PTPRN2: variants seen among roughly 807,000 people sequenced by gnomAD.
PTPRN2 encodes the protein protein tyrosine phosphatase receptor type N2.
In PTPRN2, 74 loss-of-function variants were observed where a neutral mutation model predicts 118.8. That is an observed-to-expected ratio of 0.62 (90% CI 0.52 to 0.76). PTPRN2 has a LOEUF of 0.76. Ranked by LOEUF, PTPRN2 falls within the 30% of genes least tolerant of loss-of-function variation. The pLI, the probability that PTPRN2 is intolerant of heterozygous loss-of-function variation, is 0.00. For missense variants in PTPRN2, 1,481 were observed against 1,394.4 expected (o/e 1.06, Z -0.99); for synonymous variants, 641 against 608.0 (o/e 1.05, Z -0.80).
intron 1 of PTPRN2, among the ~76,000 whole-genome samples, chr7:158,577,790 C>T (rs73512225): frequency 8.1e-4 from 123 of 152,346 alleles, no homozygotes; most frequent in African/African-American, 2.9e-3. Context: ...CCATCCAGGG[C>T]CCACAGGTCT....
At chr7:157,641,989 C>T (rs1475120830) in intron 14 of PTPRN2, among the ~76,000 whole-genome samples, 1 of 152,062 alleles carries the variant, frequency 6.6e-6, no homozygotes, top group Non-Finnish European at 1.5e-5. Context: ...TGTGCTGTTC[C>T]CTCCTCTGCA....
intron 9 of PTPRN2, among the ~76,000 whole-genome samples, chr7:158,113,620 C>T (rs1205804878): frequency 1.3e-5 from 2 of 152,098 alleles, no homozygotes; most frequent in Non-Finnish European, 2.9e-5. Flanking sequence ...AGGCGCATGC[C>T]GTGACTAGTC....
At position 158,089,849 on chromosome 7, in the gene PTPRN2, A is replaced by G. The variant is rs370441998; in HGVS notation, c.1644-8472T>C. ...CACATCCTTCCTCCCCTGATGAAAGAGGGAGTCTTCACACAAACCCTTCCT... is the reference window on the plus strand; with the variant it reads ...CACATCCTTCCTCCCCTGATGAAAGGGGGAGTCTTCACACAAACCCTTCCT... On this transcript the variant is annotated intron_variant, in intron 10 of 22. Coordinates refer to ENST00000389418, the MANE Select transcript of PTPRN2 (RefSeq NM_002847.5). 2.6e-4 allele frequency among the ~76,000 whole-genome samples: 29 copies of G among 111,356 alleles called. 1 individual carries two copies. The highest frequency in any genetic ancestry group is 6.8e-4 in the African/African-American group (22 of 32,574). 73.1% of individuals were successfully genotyped at this position (111,356 alleles called of 152,430 possible). A position where few individuals can be genotyped will look rare whatever the true frequency, so the allele number is the denominator to read the frequency against.
chr7:157,768,547 TC>T, intron 12 of PTPRN2, among the ~76,000 whole-genome samples: 1 of 152,132 alleles, frequency 6.6e-6, no homozygotes, highest in East Asian at 1.9e-4. Context: ...GACGTGAGGC[TC>T]CCCAGCTCCT....
intron 12 of PTPRN2, among the ~76,000 whole-genome samples, chr7:157,741,299 G>A (rs1052831498): frequency 1.3e-5 from 2 of 152,214 alleles, no homozygotes; most frequent in East Asian, 1.9e-4. Flanking sequence ...TAAAATGAAA[G>A]GTGTGTCTTA....
intron 1 of PTPRN2, among the ~76,000 whole-genome samples, chr7:158,539,080 G>A (rs1437377964): frequency 6.6e-6 from 1 of 152,126 alleles, no homozygotes; most frequent in Non-Finnish European, 1.5e-5. Flanking sequence ...GAAAAGCCAT[G>A]CCCCCCGTGT....
chr7:158,526,684 C>G lies in PTPRN2; in HGVS notation c.113-36899G>C, dbSNP rs544880120. 6.6e-6 allele frequency among the ~76,000 whole-genome samples: 1 copy of G among 152,190 alleles called. No homozygotes were observed. Among genetic ancestry groups the G allele is most frequent in the East Asian group, 1.9e-4 (1 of 5,164 alleles). On this transcript the variant is annotated intron_variant, in intron 1 of 22. Transcript: ENST00000389418. The surrounding 1 kb of genome is among the most constrained non-coding windows in gnomAD (Gnocchi z 5.2). ...GTAAAACGAGGTCGCCGGATGGGCC[C>G]GGATCCAGGCTGACTGGGTCCTTAT...
At chr7:157,667,866 C>T (rs1796220902) in intron 13 of PTPRN2, among the ~76,000 whole-genome samples, 1 of 152,264 alleles carries the variant, frequency 6.6e-6, no homozygotes, top group South Asian at 2.1e-4. Flanking sequence ...CTGCCTCCAA[C>T]ACATCCAGAG....
intron 11 of PTPRN2, among the ~76,000 whole-genome samples, chr7:157,967,386 G>T (rs1683482548): frequency 6.6e-6 from 1 of 152,230 alleles, no homozygotes; most frequent in South Asian, 2.1e-4. Flanking sequence ...AAGTCAAGGT[G>T]TCGGCTGAGC....
chr7:158,333,155 G>C lies in PTPRN2; in HGVS notation c.164-16223C>G, dbSNP rs373181001. Among the ~76,000 whole-genome samples, 19 of 108,178 alleles carry C rather than the reference G, an allele frequency of 1.8e-4. No individual in the cohort carries two copies. In the South Asian group the frequency reaches 2.0e-3, roughly 11 times the overall value. The allele number at this position is 108,178 out of a possible 152,430, so 71.0% of individuals were successfully genotyped here. A position where few individuals can be genotyped will look rare whatever the true frequency, so the allele number is the denominator to read the frequency against. ...ACTCACACCCACAGTCTCACCATAA[G>C]AGGTGACACCTGCAGACGTCACTCA... On this transcript the variant is annotated intron_variant, in intron 2 of 22. Transcript: ENST00000389418.
In PTPRN2 at chr7:158,557,417, G is replaced by A. The variant is rs73510595; in HGVS notation, c.112+30141C>T. Among the ~76,000 whole-genome samples, 1,261 of 152,334 alleles carry A rather than the reference G, an allele frequency of 8.3e-3. 19 individuals carry two copies. Among genetic ancestry groups the A allele is most frequent in the African/African-American group, 0.028 (1,165 of 41,570 alleles). On this transcript the variant is annotated intron_variant, in intron 1 of 22. Coordinates refer to ENST00000389418, the MANE Select transcript of PTPRN2 (RefSeq NM_002847.5). ...CTCCCGCGCAGGTCAGGCAGCTCCC[G>A]TGCAGGTTAGACATCTTTTCTGCCA...
At chr7:157,872,086 G>A (rs1455970178) in intron 12 of PTPRN2, among the ~76,000 whole-genome samples, 1 of 25,082 alleles carries the variant, frequency 4.0e-5, no homozygotes. Context: ...CATACACAGC[G>A]CTTCTCCACA....
At chr7:158,558,201 G>A (rs899492246) in intron 1 of PTPRN2, among the ~76,000 whole-genome samples, 4 of 152,096 alleles carry the variant, frequency 2.6e-5, no homozygotes, top group African/African-American at 9.7e-5. Context: ...GCCCAGCCTG[G>A]TCTTGAACTC....
chr7:157,888,454 C>T (rs1368655173), intron 12 of PTPRN2, among the ~76,000 whole-genome samples: 4 of 152,174 alleles, frequency 2.6e-5, no homozygotes, highest in African/African-American at 7.2e-5. Context: ...GTGAGCTTCT[C>T]TTCCTCCTGG....
intron 2 of PTPRN2, among the ~76,000 whole-genome samples, chr7:158,342,126 A>G (rs59709285): frequency 0.014 from 2,030 of 143,126 alleles, 1 homozygote; most frequent in African/African-American, 0.052. Flanking sequence ...CACTCTCACC[A>G]TAAGAGCTGT....
chr7:158,576,275 A>G (rs1000083757), intron 1 of PTPRN2, among the ~76,000 whole-genome samples: 14 of 152,216 alleles, frequency 9.2e-5, no homozygotes, highest in Admixed American at 7.2e-4. Flanking sequence ...ATGCAGAAGA[A>G]GCCGTTTTCA....
chr7:158,124,750 A>G (rs1817478515), intron 9 of PTPRN2, among the ~76,000 whole-genome samples: 1 of 152,112 alleles, frequency 6.6e-6, no homozygotes, highest in African/African-American at 2.4e-5. Flanking sequence ...AGTGTCCCCA[A>G]GATGCACCTG....
chr7:158,373,240 C>T (rs1486375483), intron 2 of PTPRN2, among the ~76,000 whole-genome samples: 2 of 152,242 alleles, frequency 1.3e-5, no homozygotes, highest in African/African-American at 4.8e-5. Context: ...AATAGAGTGC[C>T]AAATGGATGC....
intron 13 of PTPRN2, among the ~76,000 whole-genome samples, chr7:157,681,968 G>T (rs1283850783): frequency 6.6e-6 from 1 of 152,192 alleles, no homozygotes; most frequent in Non-Finnish European, 1.5e-5. Flanking sequence ...GGAATTAAAT[G>T]ATATTTTATA....
Sources: gnomAD v4.1 joint callset for allele counts (sites outside exome capture counted in the v4.1 genomes callset) on GRCh38, gnomAD v4.1.1 for gene constraint, Gnocchi (gnomAD v3.1) non-coding constraint, MANE v1.5 for transcripts, NCBI Gene and HGNC (gene_info 2026-07-23, HGNC 2026-07-21) for gene names.